Variants in SGMS1 observed in about 807,000 individuals in gnomAD.
SGMS1 encodes the protein sphingomyelin synthase 1.
Under a neutral mutation model 46.2 loss-of-function variants are expected in SGMS1, and 13 were observed. That is an observed-to-expected ratio of 0.28 (90% CI 0.18 to 0.45). The LOEUF (loss-of-function observed/expected upper bound fraction) is 0.45. Among genes scored for constraint, SGMS1 ranks in the 20% least tolerant of loss-of-function variants. The pLI is 1.00. For synonymous variants in SGMS1, 203 were observed against 187.8 expected (o/e 1.08, Z -0.66); for missense variants, 324 against 519.9 (o/e 0.62, Z 3.66).
chr10:50,307,280 C>T lies in SGMS1; in HGVS notation c.1104G>A (p.Val368=). Reference sequence around the variant, plus strand: ...AGTACTGAAATGGCCTGTACCACCACACCCTGGCCAGGAGGTTCATCTGGG... The same window carrying T: ...AGTACTGAAATGGCCTGTACCACCATACCCTGGCCAGGAGGTTCATCTGGG... ...EASQMNLLAR[V]WWYRPFQYFE... is the part of the protein sequence containing the mutation. The change falls in exon 11 of 11, where the codon GTG becomes GTA. Residue 368 remains valine (V), a synonymous_variant. Transcript: ENST00000361781. This position sits in a 1 kb window ranked among gnomAD's most constrained non-coding sequence, Gnocchi z 4.2. 1 of 1,614,036 alleles carries T rather than the reference C, an allele frequency of 6.2e-7. No homozygotes were observed. The highest frequency in any genetic ancestry group is 8.5e-7 in the Non-Finnish European group (1 of 1,179,934).
intron 6 of SGMS1, among the ~76,000 whole-genome samples, chr10:50,404,903 T>A (rs900347693): frequency 6.6e-6 from 1 of 152,182 alleles, no homozygotes; most frequent in Admixed American, 6.5e-5. Context: ...AAAGAAGATC[T>A]GTATGTGTTG....
At position 50,312,049 on chromosome 10, in the gene SGMS1, G is replaced by A. The variant is rs116703929; in HGVS notation, c.742-634C>T. Among the ~76,000 whole-genome samples, 1,384 of 152,226 alleles carry A rather than the reference G, an allele frequency of 9.1e-3. 16 individuals carry two copies. Among genetic ancestry groups the A allele is most frequent in the African/African-American group, 0.031 (1,298 of 41,542 alleles). On this transcript the variant is annotated intron_variant, in intron 8 of 10. Coordinates refer to ENST00000361781, the MANE Select transcript of SGMS1 (RefSeq NM_147156.4). ...GGGCTGGACACCGGAGTAATAAATA[G>A]CTTGAACAACTCATTCATTACAACC...
intron 8 of SGMS1, among the ~76,000 whole-genome samples, chr10:50,316,272 T>G (rs1847336514): frequency 6.6e-6 from 1 of 152,212 alleles, no homozygotes; most frequent in Admixed American, 6.5e-5. Context: ...GTTGAAGAGC[T>G]GAAAGTGAGT....
At chr10:50,492,689 T>C (rs910877910) in intron 3 of SGMS1, among the ~76,000 whole-genome samples, 1 of 152,214 alleles carries the variant, frequency 6.6e-6, no homozygotes, top group African/African-American at 2.4e-5. Flanking sequence ...TCTGTACTCA[T>C]GGATAGGAAG....
At chr10:50,455,151 G>T (rs991558367) in intron 5 of SGMS1, among the ~76,000 whole-genome samples, 1 of 152,186 alleles carries the variant, frequency 6.6e-6, no homozygotes, top group South Asian at 2.1e-4. Context: ...CTAACAGAAT[G>T]AATGGCTATA....
At chr10:50,516,717 G>A (rs1448838962) in intron 3 of SGMS1, among the ~76,000 whole-genome samples, 1 of 152,184 alleles carries the variant, frequency 6.6e-6, no homozygotes, top group Non-Finnish European at 1.5e-5. Context: ...AGAGTACTTA[G>A]AGACAACTGA....
chr10:50,337,054 T>C (rs1464502787), intron 7 of SGMS1, among the ~76,000 whole-genome samples: 1 of 152,114 alleles, frequency 6.6e-6, no homozygotes, highest in Non-Finnish European at 1.5e-5. Context: ...CCTTGCTTTA[T>C]TGCTGGAGAT....
At chr10:50,594,561 TTTTA>T (rs1322486814) in intron 1 of SGMS1, among the ~76,000 whole-genome samples, 2 of 152,246 alleles carry the variant, frequency 1.3e-5, no homozygotes, top group Non-Finnish European at 2.9e-5. Context: ...TTACACTTGA[TTTTA>T]TTTATAGTAA....
At chr10:50,623,682 T>A (rs2131954366) in intron 1 of SGMS1, 25 bp downstream of exon 1, 1 of 985,350 alleles carries the variant, frequency 1.0e-6, no homozygotes, top group East Asian at 1.1e-4. Context: ...TGAGGCCGGC[T>A]GTCTGTCCCT....
upstream of SGMS1, among the ~76,000 whole-genome samples, chr10:50,624,438 C>A (rs541618492): frequency 6.6e-6 from 1 of 152,310 alleles, no homozygotes; most frequent in Admixed American, 6.5e-5. Context: ...GCCGACCTGA[C>A]TATTCGGCCC....
chr10:50,377,383 T>C (rs1265769390), intron 6 of SGMS1, among the ~76,000 whole-genome samples: 2 of 152,206 alleles, frequency 1.3e-5, no homozygotes, highest in East Asian at 3.8e-4. Context: ...AGAGTCCTCA[T>C]AACTCAATCA....
chr10:50,345,364 T>G (rs2133365505), intron 6 of SGMS1, among the ~76,000 whole-genome samples: 1 of 152,262 alleles, frequency 6.6e-6, no homozygotes, highest in Non-Finnish European at 1.5e-5. Context: ...TCTAGAAATG[T>G]CAAGAAACTT....
At chr10:50,327,091 G>C (rs1442244519) in intron 8 of SGMS1, 114 bp downstream of exon 8, 2 of 632,154 alleles carry the variant, frequency 3.2e-6, no homozygotes, top group Non-Finnish European at 5.7e-6. Flanking sequence ...TTCTCAGATA[G>C]AGGAGTGACT....
At chr10:50,411,473 C>G (rs945786200) in intron 6 of SGMS1, among the ~76,000 whole-genome samples, 1 of 152,284 alleles carries the variant, frequency 6.6e-6, no homozygotes, top group South Asian at 2.1e-4. Context: ...TGCAAAATTA[C>G]AAGTTGATGC....
chr10:50,532,151 G>A (rs1837959924), intron 2 of SGMS1, among the ~76,000 whole-genome samples: 1 of 151,250 alleles, frequency 6.6e-6, no homozygotes, highest in South Asian at 2.1e-4. Flanking sequence ...AGGTACTCTG[G>A]TTTCTTATTC....
chr10:50,556,291 C>A (rs1838188834), intron 2 of SGMS1, among the ~76,000 whole-genome samples: 2 of 152,234 alleles, frequency 1.3e-5, no homozygotes. Flanking sequence ...GCAGTATACA[C>A]AACCACTGCC....
rs1281399989 is a variant in SGMS1, at chr10:50,343,769, T to C, written c.346A>G (p.Ile116Val). The C allele has an allele frequency of 6.2e-7, 1 of 1,614,186 alleles. No individual in the cohort carries two copies. The highest frequency in any genetic ancestry group is 8.5e-7 in the Non-Finnish European group (1 of 1,180,028). Residue 116 changes from isoleucine (I) to valine (V), a missense_variant, in exon 7 of 11, where the codon ATA becomes GTA. By Grantham distance (29) the Ile-to-Val change is conservative. Transcript: ENST00000361781. ...GMPNGYRKEM[I>V]KIPMPELERS... is the part of the protein sequence containing the mutation. ...TCCAGTTCTGGCATGGGGATCTTTA[T>C]CATCTCTTTCCTATACCCATTTGGC... is the stretch of plus-strand genomic sequence containing the variant.
intron 7 of SGMS1, among the ~76,000 whole-genome samples, chr10:50,339,463 C>G (rs1354199820): frequency 6.6e-6 from 1 of 152,180 alleles, no homozygotes; most frequent in East Asian, 1.9e-4. Context: ...GTACCAGCCT[C>G]TCCCCACTCT....
chr10:50,542,602 T>C (rs1316516672), intron 2 of SGMS1, among the ~76,000 whole-genome samples: 1 of 150,756 alleles, frequency 6.6e-6, no homozygotes, highest in East Asian at 1.9e-4. Flanking sequence ...AAGAAAAGTG[T>C]ATAGGAAAAC....
Sources: gnomAD v4.1 joint callset for allele counts (sites outside exome capture counted in the v4.1 genomes callset) on GRCh38, gnomAD v4.1.1 for gene constraint, Gnocchi (gnomAD v3.1) non-coding constraint, MANE v1.5 for transcripts, NCBI Gene and HGNC (gene_info 2026-07-23, HGNC 2026-07-21) for gene names.